Variants in FANCD2 observed in about 807,000 individuals in gnomAD.
FANCD2 encodes FA complementation group D2.
In FANCD2, 131 loss-of-function variants were observed where a neutral mutation model predicts 192.3. The ratio of observed to expected loss-of-function variants is 0.68; its 90% CI spans 0.59 to 0.79. The LOEUF (loss-of-function observed/expected upper bound fraction) is 0.79, where lower values mean the gene tolerates loss of function less well. Among genes scored for constraint, FANCD2 ranks in the 30% least tolerant of loss-of-function variants. The pLI is 0.00. For synonymous variants in FANCD2, 524 were observed against 612.5 expected (o/e 0.86, Z 2.13); for missense variants, 1,508 against 1,701.6 (o/e 0.89, Z 2.00).
In FANCD2 at chr3:10,101,339, GT is replaced by G; in HGVS notation, c.*80del. On this transcript the variant is annotated 3_prime_UTR_variant, in exon 44 of 44. Coordinates refer to ENST00000675286, the MANE Select transcript of FANCD2 (RefSeq NM_001018115.3). Reference sequence around the variant, plus strand: ...TTTGTGTTAGAGTTTGAAATCCGCTGTTTGCCTTTCTTACTGGTAGGATCCT... The same window carrying G: ...TTTGTGTTAGAGTTTGAAATCCGCTGTTGCCTTTCTTACTGGTAGGATCCT... 1.2e-6 allele frequency: 1 copy of G among 862,694 alleles called. No homozygotes were observed. Among genetic ancestry groups the G allele is most frequent in the South Asian group, 1.5e-5 (1 of 67,910 alleles). The allele number at this position is 862,694 out of a possible 1,614,324, so 53.4% of individuals were successfully genotyped here.
At chr3:10,096,278 G>C (rs374072890) in intron 41 of FANCD2, 48 bp from the exon 42 acceptor site, 1 of 1,594,202 alleles carries the variant, frequency 6.3e-7, no homozygotes, top group Non-Finnish European at 8.6e-7. Context: ...AAATGTGAAG[G>C]CATGATGATA....
At chr3:10,038,813 T>G (rs2086792088) in intron 7 of FANCD2, among the ~76,000 whole-genome samples, 3 of 152,164 alleles carry the variant, frequency 2.0e-5, no homozygotes, top group Non-Finnish European at 2.9e-5. Flanking sequence ...ACTCCTGGCC[T>G]CATGTGATCT....
chr3:10,101,056 A>C, intron 43 of FANCD2, 132 bp from the exon 44 acceptor site: 1 of 652,676 alleles, frequency 1.5e-6, no homozygotes, highest in Non-Finnish European at 2.7e-6. Context: ...TGACAGAGCA[A>C]GACTCCTTTA....
At chr3:10,060,907 TCA>T (rs1426713139) in intron 19 of FANCD2, among the ~76,000 whole-genome samples, 26 of 152,342 alleles carry the variant, frequency 1.7e-4, no homozygotes, top group African/African-American at 6.0e-4. Flanking sequence ...ACATTGGATT[TCA>T]GTTCATGCTC....
At chr3:10,059,060 CTAGAG>C (rs954300683) in intron 18 of FANCD2, among the ~76,000 whole-genome samples, 2 of 152,090 alleles carry the variant, frequency 1.3e-5, no homozygotes, top group Non-Finnish European at 2.9e-5. Flanking sequence ...GTCACCCAGG[CTAGAG>C]TACAGTGATG....
rs1457088895 is a variant in FANCD2 at position 10,047,816 on chromosome 3, GGGA to G, written c.1279-96_1279-94del. 83 of 1,396,838 alleles carry G rather than the reference GGGA, an allele frequency of 5.9e-5. No individual in the cohort carries two copies. In the African/African-American group the frequency reaches 8.9e-4, roughly 15 times the overall value. 86.5% of individuals were successfully genotyped at this position (1,396,838 alleles called of 1,614,324 possible). ...ATTTCCTAAGTTAAAATGAGAGCTA[GGGA>G]GGAGAAGTCTGACATTCCAAAAGGA... On this transcript the variant is annotated intron_variant, in intron 15 of 43. Coordinates refer to ENST00000675286, the MANE Select transcript of FANCD2 (RefSeq NM_001018115.3).
Position 10,096,343 on chromosome 3 carries a change from A to G in FANCD2, c.4056A>G (p.Arg1352=), listed in dbSNP as rs1336906399. The change falls in exon 42 of 44, where the codon AGA becomes AGG. Residue 1352 remains arginine (R), a synonymous_variant. Transcript: ENST00000675286. ...CCATTCAGATTCACCAGGACACGAG[A>G]CTCACCCAACATGTGCCTCTGCTCA... The part of the protein sequence containing the change: ...CGHSKIHQDT[R]LTQHVPLLKK... The G allele has an allele frequency of 1.2e-6, 2 of 1,613,930 alleles. No individual in the cohort carries two copies. The highest frequency in any genetic ancestry group is 1.7e-6 in the Non-Finnish European group (2 of 1,180,006).
At chr3:10,090,735 G>C (rs55716118) in intron 37 of FANCD2, among the ~76,000 whole-genome samples, 1 of 152,230 alleles carries the variant, frequency 6.6e-6, no homozygotes, top group South Asian at 2.1e-4. Flanking sequence ...TGAGATTACA[G>C]ACGTGCGCCA....
chr3:10,039,958 A>T, intron 9 of FANCD2, 113 bp downstream of exon 9: 1 of 1,208,102 alleles, frequency 8.3e-7, no homozygotes. Flanking sequence ...AGAGGATGAT[A>T]CCCCCCTTCA....
intron 14 of FANCD2, chr3:10,046,330 G>A: frequency 2.2e-6 from 1 of 457,774 alleles, no homozygotes. Flanking sequence ...TGGGATTACA[G>A]ATGTGAGCCA....
At chr3:10,043,212 A>G in intron 12 of FANCD2, 62 bp downstream of exon 12, 1 of 1,175,618 alleles carries the variant, frequency 8.5e-7, no homozygotes, top group Non-Finnish European at 1.3e-6. Flanking sequence ...TCAGAGTTAG[A>G]GCTTAATACT....
intron 41 of FANCD2, among the ~76,000 whole-genome samples, chr3:10,095,514 T>G (rs185319192): frequency 6.6e-6 from 1 of 152,316 alleles, no homozygotes; most frequent in African/African-American, 2.4e-5. Flanking sequence ...AGAAACTTCT[T>G]GGGTGACAGA....
chr3:10,075,984 G>A (rs890934453), intron 29 of FANCD2, among the ~76,000 whole-genome samples: 5 of 151,542 alleles, frequency 3.3e-5, no homozygotes, highest in Non-Finnish European at 7.4e-5. Context: ...GCCCGCCTTG[G>A]CCTCCCAAAG....
intron 23 of FANCD2, 33 bp from the exon 24 acceptor site, chr3:10,065,361 A>T (rs754898225): frequency 1.5e-6 from 2 of 1,372,712 alleles, no homozygotes; most frequent in Non-Finnish European, 2.1e-6. Context: ...ACACCTATGA[A>T]GTGTGGTCTA....
Position 10,065,959 on chromosome 3 carries a change from A to G in FANCD2, c.2365A>G (p.Thr789Ala), listed in dbSNP as rs750473069. 4 of 1,609,314 alleles carry G rather than the reference A, an allele frequency of 2.5e-6. No individual in the cohort carries two copies. Among genetic ancestry groups the G allele is most frequent in the Non-Finnish European group, 3.4e-6 (4 of 1,175,774 alleles). ...ATTCATGTGTTCTCTCATATTTCTT[A>G]CTCTCAACTGGTTCCGAGAGGTGAG... ...RSFMCSLIFL[T>A]LNWFREIVNA... The change falls in exon 25 of 44, where the codon ACT becomes GCT. Residue 789 changes from threonine to alanine, a missense_variant. Thr to Ala is a moderately conservative substitution (Grantham distance 58). Around this residue, in one of 5 missense-constraint regions of FANCD2, gnomAD observed 796 missense variants for 879.4 expected, o/e 0.91. Coordinates refer to ENST00000675286, the MANE Select transcript of FANCD2 (RefSeq NM_001018115.3).
At chr3:10,073,500 A>T (rs1693369349) in intron 28 of FANCD2, 138 bp downstream of exon 28, 2 of 773,516 alleles carry the variant, frequency 2.6e-6, no homozygotes, top group Non-Finnish European at 4.7e-6. Context: ...CGTTGGAGTA[A>T]TCTCCTTAGT....
Position 10,081,639 on chromosome 3 carries a change from C to T in FANCD2, c.3224+175C>T, listed in dbSNP as rs1181542976. 7.4e-6 allele frequency: 5 copies of T among 679,448 alleles called. No individual in the cohort carries two copies. The Admixed American group carries it at 1.1e-4, about 15-fold the overall frequency. 42.1% of individuals were successfully genotyped at this position (679,448 alleles called of 1,614,324 possible). ...ATTATTTCATTTGATCTTGTACCCT[C>T]TGAGTCCTTTGGAGCCACTATGTTA... On this transcript the variant is annotated intron_variant, in intron 32 of 43. Transcript: ENST00000675286.
rs1283328337 is a variant in FANCD2 at position 10,064,750 on chromosome 3, A to T, written c.2043A>T (p.Lys681Asn). 3 of 1,614,180 alleles carry T rather than the reference A, an allele frequency of 1.9e-6. No homozygotes were observed. Among genetic ancestry groups the T allele is most frequent in the Non-Finnish European group, 1.7e-6 (2 of 1,179,996 alleles). ...GCAGTGACTTTCCATTTCCTGTGAAAGCACTGTACGGACTGGAAGAATACG... is the reference window on the plus strand; with the variant it reads ...GCAGTGACTTTCCATTTCCTGTGAATGCACTGTACGGACTGGAAGAATACG... ...VPEGDFPFPV[K>N]ALYGLEEYDT... is the part of the protein sequence containing the mutation. Residue 681 changes from lysine (K) to asparagine (N), a missense_variant, in exon 23 of 44, where the codon AAA (lysine) becomes AAT (asparagine). Coordinates refer to ENST00000675286, the MANE Select transcript of FANCD2 (RefSeq NM_001018115.3).
At chr3:10,038,185 T>G (rs2086777993) in intron 7 of FANCD2, among the ~76,000 whole-genome samples, 1 of 152,156 alleles carries the variant, frequency 6.6e-6, no homozygotes. Context: ...AGATATGAGG[T>G]TTCGCCATGT....
Sources: allele counts gnomAD v4.1 joint callset (sites outside exome capture counted in the v4.1 genomes callset), GRCh38; gene constraint gnomAD v4.1.1; regional missense constraint gnomAD v4.1.1; transcripts MANE v1.5; gene names NCBI Gene and HGNC (gene_info 2026-07-23, HGNC 2026-07-21).